The following AUTS2 variants were observed in gnomAD, a reference collection of about 807,000 sequenced individuals.
AUTS2 encodes autism susceptibility gene 2 protein.
A neutral mutation model predicts 112.4 loss-of-function variants in AUTS2; 17 were observed. The ratio of observed to expected loss-of-function variants is 0.15; its 90% CI spans 0.10 to 0.23. The LOEUF is 0.23. Ranked by LOEUF, AUTS2 falls within the 10% of genes least tolerant of loss-of-function variation. AUTS2 has a pLI of 1.00. For missense variants in AUTS2, 1,510 were observed against 1,701.6 expected (o/e 0.89, Z 1.98); for synonymous variants, 751 against 702.7 (o/e 1.07, Z -1.09).
intron 4 of AUTS2, among the ~76,000 whole-genome samples, chr7:70,384,391 A>G (rs901175062): frequency 1.3e-5 from 2 of 152,352 alleles, no homozygotes; most frequent in Admixed American, 6.5e-5. Flanking sequence ...CAACCAGCAA[A>G]CAACGTGTTT....
chr7:70,037,415 A>G (rs1227172298), intron 2 of AUTS2, among the ~76,000 whole-genome samples: 1 of 152,210 alleles, frequency 6.6e-6, no homozygotes, highest in Non-Finnish European at 1.5e-5. Context: ...AAAAGTAAGT[A>G]ACTGTGAGAT....
intron 2 of AUTS2, among the ~76,000 whole-genome samples, chr7:69,996,887 T>C (rs545787584): frequency 1.3e-5 from 2 of 149,438 alleles, no homozygotes; most frequent in Admixed American, 6.7e-5. Context: ...ATCTGGGCGT[T>C]AGAATCTCAA....
chr7:69,678,530 T>C (rs1562804763), intron 1 of AUTS2, among the ~76,000 whole-genome samples: 1 of 152,238 alleles, frequency 6.6e-6, no homozygotes, highest in Non-Finnish European at 1.5e-5. Context: ...AATGGTGTTA[T>C]TACTTAACCA....
Position 70,144,981 on chromosome 7 carries a change from T to C in AUTS2, c.660+10410T>C, listed in dbSNP as rs564837564. 4.3e-4 allele frequency among the ~76,000 whole-genome samples: 65 copies of C among 152,296 alleles called. 2 individuals carry two copies. In the South Asian group the frequency reaches 0.011, roughly 25 times the overall value. On this transcript the variant is annotated intron_variant, in intron 4 of 18. Transcript: ENST00000342771. ...ATACTTGGCTTATTACTTTAACTTATGTAGATTCTGTCATGTCATATATTG... is the reference window on the plus strand; with the variant it reads ...ATACTTGGCTTATTACTTTAACTTACGTAGATTCTGTCATGTCATATATTG...
intron 1 of AUTS2, among the ~76,000 whole-genome samples, chr7:69,872,167 C>A (rs1310724559): frequency 6.6e-6 from 1 of 152,204 alleles, no homozygotes; most frequent in Non-Finnish European, 1.5e-5. Flanking sequence ...AGGTCACACA[C>A]CCATGAAGCT....
intron 1 of AUTS2, among the ~76,000 whole-genome samples, chr7:69,816,628 TA>T (rs1467130100): frequency 6.6e-6 from 1 of 152,238 alleles, no homozygotes; most frequent in African/African-American, 2.4e-5. Context: ...AGTTGACTGA[TA>T]ACTATAGAGT....
chr7:69,736,471 GTC>G (rs1437988176), intron 1 of AUTS2, among the ~76,000 whole-genome samples: 3 of 152,172 alleles, frequency 2.0e-5, no homozygotes, highest in Non-Finnish European at 4.4e-5. Context: ...ATTTTGTGAA[GTC>G]TCTGAAGTGT....
At chr7:69,994,624 T>G (rs1274563562) in intron 2 of AUTS2, among the ~76,000 whole-genome samples, 3 of 152,186 alleles carry the variant, frequency 2.0e-5, no homozygotes, top group Non-Finnish European at 2.9e-5. Context: ...TCAGTGGGAT[T>G]ATAGTATATA....
At chr7:70,420,301 G>C (rs1437424500) in intron 4 of AUTS2, among the ~76,000 whole-genome samples, 4 of 152,122 alleles carry the variant, frequency 2.6e-5, no homozygotes, top group Admixed American at 2.6e-4. Flanking sequence ...AGTTGCTGTA[G>C]GTCTTGCTTG....
chr7:70,163,209 A>G (rs1808188237), intron 4 of AUTS2, among the ~76,000 whole-genome samples: 1 of 151,718 alleles, frequency 6.6e-6, no homozygotes, highest in Non-Finnish European at 1.5e-5. Context: ...ATATGTTTAA[A>G]CACCCAGGAC....
At chr7:70,254,629 A>C (rs1260469530) in intron 4 of AUTS2, among the ~76,000 whole-genome samples, 2 of 152,182 alleles carry the variant, frequency 1.3e-5, no homozygotes, top group African/African-American at 4.8e-5. Context: ...AATGCTTCAA[A>C]AGCTACTGTT....
chr7:70,760,189 T>C (rs1481106628), intron 6 of AUTS2, among the ~76,000 whole-genome samples: 1 of 152,148 alleles, frequency 6.6e-6, no homozygotes, highest in Non-Finnish European at 1.5e-5. Context: ...GTGTTTTTAG[T>C]AGAGGCAGGG....
At chr7:70,137,972 G>T (rs1221007540) in intron 4 of AUTS2, among the ~76,000 whole-genome samples, 1 of 152,112 alleles carries the variant, frequency 6.6e-6, no homozygotes, top group Non-Finnish European at 1.5e-5. Flanking sequence ...CATAAAACAG[G>T]GTATTCATCC....
rs557842453 is a variant in AUTS2, at chr7:69,821,658, C to A, written c.310-77628C>A. Reference sequence around the variant, plus strand: ...AGCTTCATTGCTGAAGTCAGGGAAACCATGAACCCACCGGGAAAAACAAAC... The same window carrying A: ...AGCTTCATTGCTGAAGTCAGGGAAAACATGAACCCACCGGGAAAAACAAAC... On this transcript the variant is annotated intron_variant, in intron 1 of 18. Coordinates refer to ENST00000342771, the MANE Select transcript of AUTS2 (RefSeq NM_015570.4). Among the ~76,000 whole-genome samples, 3 of 152,166 alleles carry A rather than the reference C, an allele frequency of 2.0e-5. No homozygotes were observed. In the East Asian group the frequency reaches 5.8e-4, roughly 29 times the overall value.
In AUTS2 at chr7:70,155,098, G is replaced by T. The variant is rs376247090; in HGVS notation, c.660+20527G>T. 2.6e-5 allele frequency among the ~76,000 whole-genome samples: 4 copies of T among 152,242 alleles called. No individual in the cohort carries two copies. In the East Asian group the frequency reaches 5.8e-4, roughly 22 times the overall value. On this transcript the variant is annotated intron_variant, in intron 4 of 18. Coordinates refer to ENST00000342771, the MANE Select transcript of AUTS2 (RefSeq NM_015570.4). ...GGGCCTCAAAATAACATTTGCCCAGGAATATTTCTAGAGAGTGGTCATCTT... is the reference window on the plus strand; with the variant it reads ...GGGCCTCAAAATAACATTTGCCCAGTAATATTTCTAGAGAGTGGTCATCTT...
rs1410878192 is a variant in AUTS2, at chr7:70,791,999, A to T, written c.*1003A>T. 1 of 152,546 alleles carries T rather than the reference A, an allele frequency of 6.6e-6. No homozygotes were observed. Among genetic ancestry groups the T allele is most frequent in the African/African-American group, 2.4e-5 (1 of 41,402 alleles). 9.4% of individuals were successfully genotyped at this position (152,546 alleles called of 1,614,324 possible). A position where few individuals can be genotyped will look rare whatever the true frequency, so the allele number is the denominator to read the frequency against. ...AACCATGCCTTTTTTAGTGTGTCCT[A>T]TTTCATACCTGTACACACTTCCTCG... On this transcript the variant is annotated 3_prime_UTR_variant, in exon 19 of 19. Transcript: ENST00000342771.
chr7:69,964,700 A>G (rs561988468), intron 2 of AUTS2, among the ~76,000 whole-genome samples: 15 of 151,824 alleles, frequency 9.9e-5, no homozygotes, highest in African/African-American at 3.6e-4. Context: ...TGGACTTAGG[A>G]CAAACGGGGA....
intron 1 of AUTS2, among the ~76,000 whole-genome samples, chr7:69,724,132 C>T (rs1018039051): frequency 2.6e-5 from 4 of 152,164 alleles, no homozygotes; most frequent in Admixed American, 6.5e-5. Flanking sequence ...CAGACTACCT[C>T]GGGTGTGACC....
intron 5 of AUTS2, among the ~76,000 whole-genome samples, chr7:70,602,774 G>A (rs980913776): frequency 1.3e-5 from 2 of 152,160 alleles, no homozygotes; most frequent in East Asian, 3.9e-4. Context: ...GAGTGGATCA[G>A]GACATTTGTG....
Sources: allele counts gnomAD v4.1 joint callset (sites outside exome capture counted in the v4.1 genomes callset), GRCh38; gene constraint gnomAD v4.1.1; transcripts MANE v1.5; gene names NCBI Gene and HGNC (gene_info 2026-07-23, HGNC 2026-07-21).